COG3: variants seen among roughly 807,000 people sequenced by gnomAD.
The protein encoded by COG3 is component of oligomeric golgi complex 3, also known as conserved oligomeric Golgi complex subunit 3.
Under a neutral mutation model 114.1 loss-of-function variants are expected in COG3, and 32 were observed. The ratio of observed to expected loss-of-function variants is 0.28; its 90% CI spans 0.21 to 0.38. The LOEUF (loss-of-function observed/expected upper bound fraction) is 0.38. Ranked by LOEUF, COG3 falls within the 10% of genes least tolerant of loss-of-function variation. COG3 has a pLI of 1.00. For missense variants in COG3, 813 were observed against 973.2 expected (o/e 0.84, Z 2.19); for synonymous variants, 352 against 365.7 (o/e 0.96, Z 0.43).
chr13:45,522,432 G>A (rs985061254), intron 19 of COG3, among the ~76,000 whole-genome samples: 1 of 152,056 alleles, frequency 6.6e-6, no homozygotes, highest in Admixed American at 6.5e-5. Context: ...TTCTTCCTCT[G>A]TGCTCCTTGT....
At chr13:45,504,987 G>A (rs1337269325) in intron 14 of COG3, among the ~76,000 whole-genome samples, 1 of 151,984 alleles carries the variant, frequency 6.6e-6, no homozygotes, top group Non-Finnish European at 1.5e-5. Flanking sequence ...AGGAGTTCGA[G>A]ACCAGCCTGG....
chr13:45,519,228 C>G, intron 19 of COG3, 134 bp downstream of exon 19: 1 of 970,068 alleles, frequency 1.0e-6, no homozygotes, highest in Non-Finnish European at 1.5e-6. Context: ...TCTAGGAAAT[C>G]ACTGTGTTTC....
At chr13:45,510,432 CT>C (rs1358588758) in intron 15 of COG3, among the ~76,000 whole-genome samples, 2 of 152,226 alleles carry the variant, frequency 1.3e-5, no homozygotes, top group African/African-American at 4.8e-5. Context: ...GATGAGATCT[CT>C]TCCAGAGAGA....
intron 1 of COG3, among the ~76,000 whole-genome samples, chr13:45,472,706 AGTTTTCT>A (rs1885597910): frequency 6.6e-6 from 1 of 152,060 alleles, no homozygotes; most frequent in African/African-American, 2.4e-5. Context: ...CACAGTTTTC[AGTTTTCT>A]GTTGAAATTG....
intron 12 of COG3, among the ~76,000 whole-genome samples, chr13:45,495,132 C>T (rs1868604831): frequency 6.8e-6 from 1 of 146,368 alleles, no homozygotes; most frequent in African/African-American, 2.5e-5. Context: ...CCATGAGCCA[C>T]CACGCCTGGC....
intron 20 of COG3, among the ~76,000 whole-genome samples, chr13:45,525,799 A>AGAGG (rs144843955): frequency 2.9e-4 from 1 of 3,488 alleles, no homozygotes; most frequent in African/African-American, 3.8e-3. Context: ...ATATTGTGAT[A>AGAGG]GCCTTTGAAA....
chr13:45,484,600 ATTTATTTATTTATTTT>A (rs1413741140), intron 7 of COG3, among the ~76,000 whole-genome samples: 2 of 149,870 alleles, frequency 1.3e-5, no homozygotes, highest in Admixed American at 6.6e-5. Flanking sequence ...TTATTTATTT[ATTTATTTATTTATTTT>A]TTTATTGATA....
Position 45,519,168 on chromosome 13 carries a change from G to T in COG3, c.2154+74G>T, listed in dbSNP as rs955273757. 1.4e-4 allele frequency: 216 copies of T among 1,516,618 alleles called. 1 individual carries two copies. Among genetic ancestry groups the T allele is most frequent in the Non-Finnish European group, 1.6e-4 (172 of 1,107,064 alleles). 93.9% of individuals were successfully genotyped at this position (1,516,618 alleles called of 1,614,324 possible). A position where few individuals can be genotyped will look rare whatever the true frequency, so the allele number is the denominator to read the frequency against. On this transcript the variant is annotated intron_variant, in intron 19 of 22. Coordinates refer to ENST00000349995, the MANE Select transcript of COG3 (RefSeq NM_031431.4). Reference sequence around the variant, plus strand: ...AGATTTCCTTTTGAATTACTCTCTTGTGTAAACTCTGGCAGAAGGAGATAT... The same window carrying T: ...AGATTTCCTTTTGAATTACTCTCTTTTGTAAACTCTGGCAGAAGGAGATAT...
intron 10 of COG3, 146 bp from the exon 11 acceptor site, chr13:45,492,013 G>A (rs879091101): frequency 3.9e-6 from 2 of 511,632 alleles, no homozygotes; most frequent in South Asian, 3.7e-5. Flanking sequence ...GTCATCTATC[G>A]AAAACCAACC....
chr13:45,534,264 G>A, intron 22 of COG3, among the ~76,000 whole-genome samples: 1 of 152,242 alleles, frequency 6.6e-6, no homozygotes, highest in Non-Finnish European at 1.5e-5. Context: ...TTCTGTCCTT[G>A]TCAGTGTTTG....
rs59023921 is a variant in COG3, at chr13:45,532,560, G to GTTTT, written c.2457+1804_2457+1807dup. Among the ~76,000 whole-genome samples the GTTTT allele has an allele frequency of 2.4e-5, 2 of 82,500 alleles. 1 individual carries two copies. The highest frequency in any genetic ancestry group is 4.3e-5 in the Non-Finnish European group (2 of 46,462). The allele number at this position is 82,500 out of a possible 152,430, so 54.1% of individuals were successfully genotyped here. On this transcript the variant is annotated intron_variant, in intron 22 of 22. Coordinates refer to ENST00000349995, the MANE Select transcript of COG3 (RefSeq NM_031431.4). ...TTAGTTATTGGGTTATCCTTCCATT[G>GTTTT]TTTTTTTTTTTTTTTTTTTTTTTTT... is the stretch of plus-strand genomic sequence containing the variant.
intron 20 of COG3, 33 bp from the exon 21 acceptor site, chr13:45,529,758 T>C (rs758930085): frequency 1.3e-6 from 2 of 1,537,464 alleles, no homozygotes; most frequent in Admixed American, 2.0e-5. Flanking sequence ...TTTCTTTTTC[T>C]TTATGACACT....
intron 11 of COG3, among the ~76,000 whole-genome samples, chr13:45,492,898 A>G (rs545354940): frequency 3.9e-4 from 60 of 152,318 alleles, no homozygotes; most frequent in African/African-American, 1.4e-3. Context: ...GCGTATGACC[A>G]AAGTACTTTG....
intron 20 of COG3, among the ~76,000 whole-genome samples, chr13:45,527,662 G>A (rs980179996): frequency 6.6e-6 from 1 of 152,094 alleles, no homozygotes; most frequent in African/African-American, 2.4e-5. Flanking sequence ...ATGCCCATTT[G>A]TTAATTTACT....
chr13:45,493,944 A>G (rs987984991), intron 12 of COG3: 1 of 153,102 alleles, frequency 6.5e-6, no homozygotes, highest in African/African-American at 2.4e-5. Flanking sequence ...GAATAGCTCT[A>G]CTTTGTCCAT....
intron 19 of COG3, among the ~76,000 whole-genome samples, chr13:45,523,692 C>G (rs2137915452): frequency 6.6e-6 from 1 of 152,272 alleles, no homozygotes. Flanking sequence ...AATTCTGGAG[C>G]AATCAGTGCA....
At chr13:45,478,123 CT>C (rs946292450) in intron 2 of COG3, among the ~76,000 whole-genome samples, 32 of 151,334 alleles carry the variant, frequency 2.1e-4, no homozygotes, top group African/African-American at 7.3e-4. Context: ...GTTTAATACT[CT>C]TCCTTAATTT....
chr13:45,491,386 GT>G, intron 9 of COG3, 25 bp from the exon 10 acceptor site: 1 of 1,591,580 alleles, frequency 6.3e-7, no homozygotes, highest in Non-Finnish European at 8.5e-7. Flanking sequence ...GAAATGAAAA[GT>G]TTAATCTCAT....
At chr13:45,517,232 C>T (rs60989869) in intron 17 of COG3, among the ~76,000 whole-genome samples, 9,973 of 152,124 alleles carry the variant, frequency 0.066, 844 homozygotes, top group African/African-American at 0.2. Flanking sequence ...AAAAAATGGT[C>T]ACTCAAATTA....
Sources: gnomAD v4.1 joint callset for allele counts (sites outside exome capture counted in the v4.1 genomes callset) on GRCh38, gnomAD v4.1.1 for gene constraint, MANE v1.5 for transcripts, NCBI Gene and HGNC (gene_info 2026-07-23, HGNC 2026-07-21) for gene names.